INVS: variants seen among roughly 807,000 people sequenced by gnomAD.
INVS encodes the protein inversin.
A neutral mutation model predicts 108.8 loss-of-function variants in INVS; 86 were observed. The observed-to-expected ratio is 0.79, with a 90% CI of 0.66 to 0.95. INVS has a LOEUF of 0.95. Ranked by LOEUF, INVS falls within the 40% of genes least tolerant of loss-of-function variation. The pLI, the probability that INVS is intolerant of heterozygous loss-of-function variation, is 0.00. For missense variants in INVS, 1,169 were observed against 1,297.4 expected (o/e 0.90, Z 1.52); for synonymous variants, 455 against 473.5 (o/e 0.96, Z 0.51).
intron 3 of INVS, among the ~76,000 whole-genome samples, chr9:100,142,254 A>C (rs1198741801): frequency 1.3e-5 from 2 of 152,182 alleles, no homozygotes; most frequent in African/African-American, 4.8e-5. Context: ...GCATATTTAG[A>C]GTCAGTATAA....
chr9:100,298,023 C>G lies in INVS; in HGVS notation c.3091+13C>G. 1 of 1,614,148 alleles carries G rather than the reference C, an allele frequency of 6.2e-7. No homozygotes were observed. Among genetic ancestry groups the G allele is most frequent in the Non-Finnish European group, 8.5e-7 (1 of 1,179,982 alleles). ...CGTCTCAACTCAGGTAAGGCAGCCACTGCAAAGCAGATGGTGGGGAAGAAC... is the reference window on the plus strand; with the variant it reads ...CGTCTCAACTCAGGTAAGGCAGCCAGTGCAAAGCAGATGGTGGGGAAGAAC... On this transcript the variant is annotated intron_variant, in intron 16 of 16. Coordinates refer to ENST00000262457, the MANE Select transcript of INVS (RefSeq NM_014425.5).
chr9:100,298,300 T>G, intron 16 of INVS: 2 of 1,285,124 alleles, frequency 1.6e-6, no homozygotes, highest in South Asian at 3.1e-5. Context: ...GAAAATACTG[T>G]CACTCTTCAA....
intron 3 of INVS, among the ~76,000 whole-genome samples, chr9:100,203,686 A>T (rs945809142): frequency 1.3e-5 from 2 of 151,902 alleles, no homozygotes; most frequent in African/African-American, 2.4e-5. Context: ...TATTTTTAGT[A>T]GAGACAGGTT....
Position 100,175,287 on chromosome 9 carries a change from C to G in INVS, c.273+48738C>G, listed in dbSNP as rs183067300. The G allele has an allele frequency of 1.9e-5, 13 of 681,094 alleles. No individual in the cohort carries two copies. In the Admixed American group the frequency reaches 2.1e-4, roughly 11 times the overall value. The allele number at this position is 681,094 out of a possible 1,614,324, so 42.2% of individuals were successfully genotyped here. Reference sequence around the variant, plus strand: ...TGTGGGCCCAAAACAAACTATCCATCCTTGCATATATCTTCTGCTGAGATG... The same window carrying G: ...TGTGGGCCCAAAACAAACTATCCATGCTTGCATATATCTTCTGCTGAGATG... On this transcript the variant is annotated intron_variant, in intron 3 of 16. Transcript: ENST00000262457.
chr9:100,129,782 C>A, intron 3 of INVS: 1 of 643,676 alleles, frequency 1.6e-6, no homozygotes, highest in Non-Finnish European at 2.9e-6. Context: ...TCCTTTATGA[C>A]ATTTTCCAAA....
At chr9:100,220,511 G>C (rs1831113731) in intron 3 of INVS, among the ~76,000 whole-genome samples, 1 of 152,120 alleles carries the variant, frequency 6.6e-6, no homozygotes, top group South Asian at 2.1e-4. Context: ...AGACCTTCCT[G>C]TAACTTCAGC....
chr9:100,155,261 A>G (rs1828938476), intron 3 of INVS, among the ~76,000 whole-genome samples: 1 of 152,158 alleles, frequency 6.6e-6, no homozygotes, highest in Non-Finnish European at 1.5e-5. Flanking sequence ...TAGACAAATA[A>G]AACAAAGACA....
chr9:100,226,257 A>C, intron 4 of INVS, 22 bp downstream of exon 4: 1 of 1,602,668 alleles, frequency 6.2e-7, no homozygotes, highest in Non-Finnish European at 8.5e-7. Flanking sequence ...TCAAAATCAA[A>C]GACTAATAAG....
chr9:100,246,624 T>TA lies in INVS; in HGVS notation c.918dup (p.Val307SerfsTer11). The TA allele has an allele frequency of 1.2e-6, 2 of 1,613,046 alleles. No individual in the cohort carries two copies. The highest frequency in any genetic ancestry group is 1.7e-6 in the Non-Finnish European group (2 of 1,179,040). On this transcript the variant is annotated frameshift_variant, in exon 8 of 17. Transcript: ENST00000262457. LOFTEE classifies it high-confidence loss of function. ...ATCAAGTTTTCTTACAGGAAACGGT[T>TA]AAAGTGTTTTTAAAACATCCTTCAG... is the stretch of plus-strand genomic sequence containing the variant.
chr9:100,284,656 T>A (rs1235168281), intron 13 of INVS, 53 bp downstream of exon 13: 1 of 1,577,256 alleles, frequency 6.3e-7, no homozygotes, highest in Non-Finnish European at 8.7e-7. Context: ...GTGGGCTTTT[T>A]TGATTGGTGT....
rs1165348083 is a variant in INVS, at chr9:100,301,193, T to TATTA, written c.*520_*523dup. The stretch of plus-strand genomic sequence containing the variant: ...CACACACACACATATCACGTCCCAC[T>TATTA]ATTACTTCAAAATTAATCAGGTTTA... On this transcript the variant is annotated 3_prime_UTR_variant, in exon 17 of 17. Coordinates refer to ENST00000262457, the MANE Select transcript of INVS (RefSeq NM_014425.5). Among the ~76,000 whole-genome samples the TATTA allele has an allele frequency of 4.0e-5, 6 of 148,962 alleles. No homozygotes were observed. The highest frequency in any genetic ancestry group is 1.5e-4 in the African/African-American group (6 of 39,684).
intron 7 of INVS, among the ~76,000 whole-genome samples, chr9:100,245,277 G>A: frequency 6.6e-6 from 1 of 151,940 alleles, no homozygotes; most frequent in Non-Finnish European, 1.5e-5. Context: ...TGTTGTTTTT[G>A]TTTTGTTTTT....
chr9:100,301,166 C>A lies in INVS; in HGVS notation c.*492C>A, dbSNP rs867533607. On this transcript the variant is annotated 3_prime_UTR_variant, in exon 17 of 17. Coordinates refer to ENST00000262457, the MANE Select transcript of INVS (RefSeq NM_014425.5). ...ACACACACACACACACACACACACA[C>A]ACACACACACACATATCACGTCCCA... Among the ~76,000 whole-genome samples the A allele has an allele frequency of 7.1e-3, 896 of 126,268 alleles. 7 individuals are homozygous for A. The highest frequency in any genetic ancestry group is 0.011 in the Non-Finnish European group (693 of 63,784). 82.8% of individuals were successfully genotyped at this position (126,268 alleles called of 152,430 possible). A position where few individuals can be genotyped will look rare whatever the true frequency, so the allele number is the denominator to read the frequency against.
intron 3 of INVS, among the ~76,000 whole-genome samples, chr9:100,163,524 T>A (rs77830938): frequency 0.052 from 7,871 of 152,232 alleles, 284 homozygotes; most frequent in Non-Finnish European, 0.08. Context: ...TCTTACATTT[T>A]GTTGGTGGGA....
intron 2 of INVS, chr9:100,117,708 G>T: frequency 1.7e-6 from 1 of 576,974 alleles, no homozygotes; most frequent in Non-Finnish European, 3.1e-6. Context: ...TTTATGATAC[G>T]TTTTGAGGTA....
intron 3 of INVS, among the ~76,000 whole-genome samples, chr9:100,180,502 T>G (rs989334705): frequency 6.6e-6 from 1 of 151,946 alleles, no homozygotes; most frequent in African/African-American, 2.4e-5. Flanking sequence ...CAGAAACACC[T>G]CTACGCAAAT....
chr9:100,141,085 C>A (rs2118947504), intron 3 of INVS, among the ~76,000 whole-genome samples: 1 of 152,178 alleles, frequency 6.6e-6, no homozygotes, highest in Non-Finnish European at 1.5e-5. Context: ...GCAGTGTAAA[C>A]AAGAGCAGGG....
At chr9:100,224,742 A>T (rs1477324771) in intron 3 of INVS, among the ~76,000 whole-genome samples, 1 of 151,792 alleles carries the variant, frequency 6.6e-6, no homozygotes, top group African/African-American at 2.4e-5. Flanking sequence ...CAGCCTCCCG[A>T]GTAACTGGGA....
In INVS at chr9:100,240,049, C is replaced by T. The variant is rs1831816121; in HGVS notation, c.616-11C>T. ...CATGTATGTCTGAAGTCTCTGGTTCCTTCAAATCAGGATGCTGCTCCAACA... is the reference window on the plus strand; with the variant it reads ...CATGTATGTCTGAAGTCTCTGGTTCTTTCAAATCAGGATGCTGCTCCAACA... On this transcript the variant is annotated splice_polypyrimidine_tract_variant and intron_variant, in intron 5 of 16. Transcript: ENST00000262457. 3 of 1,612,812 alleles carry T rather than the reference C, an allele frequency of 1.9e-6. No individual in the cohort carries two copies. In the African/African-American group the frequency reaches 4.0e-5, roughly 22 times the overall value.
Sources: gnomAD v4.1 joint callset for allele counts (sites outside exome capture counted in the v4.1 genomes callset) on GRCh38, gnomAD v4.1.1 for gene constraint, MANE v1.5 for transcripts, NCBI Gene and HGNC (gene_info 2026-07-23, HGNC 2026-07-21) for gene names.